HOOK1: variants seen among roughly 807,000 people sequenced by gnomAD.
HOOK1 encodes the protein protein Hook homolog 1.
In HOOK1, 60 loss-of-function variants were observed where a neutral mutation model predicts 112.8. The observed-to-expected ratio is 0.53, with a 90% CI of 0.43 to 0.66. The LOEUF is 0.66. Ranked by LOEUF, HOOK1 falls within the 30% of genes least tolerant of loss-of-function variation. The pLI is 0.00. For missense variants in HOOK1, 770 were observed against 856.0 expected (o/e 0.90, Z 1.25); for synonymous variants, 294 against 283.8 (o/e 1.04, Z -0.36).
rs1212148908 is a variant in HOOK1 at position 59,857,819 on chromosome 1, G to A, written c.1243-609G>A. ...TGTAGGCTGTAAAATAAAATAGTCAGTGATATGAAGTACCAGCTTGCTGTC... is the reference window on the plus strand; with the variant it reads ...TGTAGGCTGTAAAATAAAATAGTCAATGATATGAAGTACCAGCTTGCTGTC... On this transcript the variant is annotated intron_variant, in intron 12 of 21. Coordinates refer to ENST00000371208, the MANE Select transcript of HOOK1 (RefSeq NM_015888.6). Among the ~76,000 whole-genome samples, 13 of 152,158 alleles carry A rather than the reference G, an allele frequency of 8.5e-5. 1 individual carries two copies. The highest frequency in any genetic ancestry group is 7.9e-4 in the Admixed American group (12 of 15,268).
intron 5 of HOOK1, among the ~76,000 whole-genome samples, chr1:59,834,491 C>A (rs1453770020): frequency 6.6e-6 from 1 of 152,016 alleles, no homozygotes; most frequent in African/African-American, 2.4e-5. Flanking sequence ...CTAGGACAAG[C>A]CAGTACTTCT....
intron 21 of HOOK1, 74 bp from the exon 22 acceptor site, chr1:59,872,721 G>A (rs1644074803): frequency 5.7e-6 from 6 of 1,059,134 alleles, no homozygotes; most frequent in Non-Finnish European, 6.2e-6. Flanking sequence ...AGGATTAAGT[G>A]TCTTTATGTG....
rs149233207 is a variant in HOOK1, at chr1:59,865,371, G to T, written c.1744+126G>T. 3.1e-3 allele frequency: 1,589 copies of T among 512,318 alleles called. 22 individuals carry two copies. The highest frequency in any genetic ancestry group is 0.027 in the African/African-American group (1,411 of 51,874). The allele number at this position is 512,318 out of a possible 1,614,324, so 31.7% of individuals were successfully genotyped here. ...TGTAGATACATATATTGTAAATAAG[G>T]ACTATGATAATTTTTAGTGCTGAAG... On this transcript the variant is annotated intron_variant, in intron 18 of 21. Coordinates refer to ENST00000371208, the MANE Select transcript of HOOK1 (RefSeq NM_015888.6).
At chr1:59,838,155 A>G (rs2098398981) in intron 7 of HOOK1, among the ~76,000 whole-genome samples, 1 of 152,212 alleles carries the variant, frequency 6.6e-6, no homozygotes, top group African/African-American at 2.4e-5. Context: ...TAATAAAAAT[A>G]CGTGTGCATT....
At position 59,868,302 on chromosome 1, in the gene HOOK1, T is replaced by TA. The variant is rs1456913999; in HGVS notation, c.1899dup (p.Leu634ThrfsTer13). 8 of 1,611,862 alleles carry TA rather than the reference T, an allele frequency of 5.0e-6. No individual in the cohort carries two copies. In the African/African-American group the frequency reaches 1.1e-4, roughly 22 times the overall value. ...AATCCAGCATCAGCTGAAATAATGC[T>TA]ACTAAGAAAGCAGTTGGCAGAGAAA... On this transcript the variant is annotated frameshift_variant, in exon 20 of 22. Transcript: ENST00000371208. LOFTEE classifies it high-confidence loss of function.
Sources: gnomAD v4.1 joint callset for allele counts (sites outside exome capture counted in the v4.1 genomes callset) on GRCh38, gnomAD v4.1.1 for gene constraint, MANE v1.5 for transcripts, NCBI Gene and HGNC (gene_info 2026-07-23, HGNC 2026-07-21) for gene names.